The following SSX3 variants were observed in gnomAD, a reference collection of about 807,000 sequenced individuals.
The protein encoded by SSX3 is SSX family member 3.
In SSX3, 6 loss-of-function variants were observed where a neutral mutation model predicts 14.8. That is an observed-to-expected ratio of 0.41 (90% CI 0.22 to 0.80). The LOEUF is 0.80. Among genes scored for constraint, SSX3 ranks in the 30% least tolerant of loss-of-function variants. The pLI is 0.34. For missense variants in SSX3, 163 were observed against 152.2 expected (o/e 1.07, Z -0.37); for synonymous variants, 55 against 52.9 (o/e 1.04, Z -0.18).
At chrX:48,353,248 G>T (rs1430096464) in intron 4 of SSX3, among the ~76,000 whole-genome samples, 1 of 110,595 alleles carries the variant, frequency 9.0e-6, no homozygotes, top group Non-Finnish European at 1.9e-5. Context: ...GAAAAGTATG[G>T]GGAATAATAT....
At chrX:48,349,005 A>C (rs1196978041) in intron 6 of SSX3, among the ~76,000 whole-genome samples, 2 of 112,392 alleles carry the variant, frequency 1.8e-5, no homozygotes, top group Non-Finnish European at 3.8e-5. Context: ...CTGATGGAGA[A>C]GCTGCAGCAA....
chrX:48,349,886 T>C (rs1302516025), intron 6 of SSX3, 101 bp downstream of exon 6: 11 of 1,180,177 alleles, frequency 9.3e-6, no homozygotes, highest in Non-Finnish European at 1.2e-5. Flanking sequence ...CAGCCCAGCC[T>C]GGACCCAGGG....
chrX:48,353,815 C>G lies in SSX3; in HGVS notation c.280+184G>C, dbSNP rs140373936. 9.8e-3 allele frequency among the ~76,000 whole-genome samples: 1,090 copies of G among 110,885 alleles called. 11 individuals carry two copies. The highest frequency in any genetic ancestry group is 0.034 in the African/African-American group (1,051 of 30,537). ...ATTATCCATAAAAATATATATTCTT[C>G]TTTTGCATGTTTTAAAATTTTATAT... On this transcript the variant is annotated intron_variant, in intron 4 of 7. Transcript: ENST00000298396.
intron 1 of SSX3, among the ~76,000 whole-genome samples, chrX:48,355,640 C>A (rs1235136390): frequency 9.0e-6 from 1 of 110,766 alleles, no homozygotes; most frequent in Non-Finnish European, 1.9e-5. Context: ...CATGCTGACA[C>A]CCCCGCTCAA....
chrX:48,351,869 A>C (rs1198496249), intron 5 of SSX3, among the ~76,000 whole-genome samples: 1 of 112,218 alleles, frequency 8.9e-6, no homozygotes, highest in African/African-American at 3.2e-5. Context: ...TAAATAAATT[A>C]ATCCATGTGA....
intron 2 of SSX3, 177 bp from the exon 3 acceptor site, chrX:48,354,923 C>T (rs781835583): frequency 1.3e-6 from 1 of 754,018 alleles, no homozygotes; most frequent in African/African-American, 2.3e-5. Flanking sequence ...GCCACACTGT[C>T]GGGCTTTAAT....
intron 6 of SSX3, among the ~76,000 whole-genome samples, chrX:48,347,925 T>C (rs1392453141): frequency 4.4e-5 from 5 of 112,878 alleles, no homozygotes; most frequent in Non-Finnish European, 7.5e-5. Context: ...CCTTGTTTTG[T>C]TGCACTTCAT....
rs781815937 is a variant in SSX3 at position 48,355,258 on chromosome X, G to T, written c.-9C>A. 8.3e-7 allele frequency: 1 copy of T among 1,209,907 alleles called. No homozygotes were observed. Among genetic ancestry groups the T allele is most frequent in the South Asian group, 1.8e-5 (1 of 56,890 alleles). On this transcript the variant is annotated 5_prime_UTR_variant, in exon 2 of 8. Coordinates refer to ENST00000298396, the MANE Select transcript of SSX3 (RefSeq NM_021014.4). ...GTGTCATCTCCGTTCATGGCACAGG[G>T]AGTAGTCTGACCTGCAAGAGAAACA...
Position 48,355,579 on chromosome X carries a change from GA to G in SSX3, c.-20-311del, listed in dbSNP as rs11323384. On this transcript the variant is annotated intron_variant, in intron 1 of 7. Coordinates refer to ENST00000298396, the MANE Select transcript of SSX3 (RefSeq NM_021014.4). ...CTAGGCTTCCCCTGAAAGATGTATG[GA>G]CCCTTGTTGGGGAGGCAGGGACATG... 6.2e-3 allele frequency among the ~76,000 whole-genome samples: 691 copies of G among 110,868 alleles called. 7 individuals are homozygous for G. Among genetic ancestry groups the G allele is most frequent in the African/African-American group, 0.021 (649 of 30,496 alleles).
In SSX3 at chrX:48,350,428, G is replaced by A. The variant is rs1455117476; in HGVS notation, c.331-306C>T. On this transcript the variant is annotated intron_variant, in intron 5 of 7. Transcript: ENST00000298396. ...TATACAGATGATTTGGAGAAGAGTA[G>A]CATTCTAAGAATTCACAAGGTCTAC... Among the ~76,000 whole-genome samples, 4 of 111,552 alleles carry A rather than the reference G, an allele frequency of 3.6e-5. No individual in the cohort carries two copies. The East Asian group carries it at 8.4e-4, about 23-fold the overall frequency.
At chrX:48,354,774 G>A (rs782175063) in intron 2 of SSX3, 28 bp from the exon 3 acceptor site, 1 of 1,199,875 alleles carries the variant, frequency 8.3e-7, no homozygotes, top group Non-Finnish European at 1.1e-6. Flanking sequence ...AGGAATTATG[G>A]CAGGGACTCA....
At chrX:48,356,007 G>A (rs782283085) in intron 1 of SSX3, among the ~76,000 whole-genome samples, 7 of 110,748 alleles carry the variant, frequency 6.3e-5, no homozygotes, top group Admixed American at 3.9e-4. Flanking sequence ...CAAAACCCCC[G>A]TCTACAAAAT....
At chrX:48,351,157 G>A (rs2061261367) in intron 5 of SSX3, among the ~76,000 whole-genome samples, 2 of 111,984 alleles carry the variant, frequency 1.8e-5, no homozygotes, top group African/African-American at 3.2e-5. Flanking sequence ...CTCTGAGCTT[G>A]TAAACACTCT....
intron 6 of SSX3, 128 bp from the exon 7 acceptor site, chrX:48,347,732 C>T (rs2061244902): frequency 9.0e-7 from 1 of 1,108,284 alleles, no homozygotes; most frequent in Non-Finnish European, 1.2e-6. Flanking sequence ...CAGTTTTTCA[C>T]ATTCTCTGGC....
At position 48,351,504 on chromosome X, in the gene SSX3, C is replaced by G. The variant is rs782260569; in HGVS notation, c.330+596G>C. On this transcript the variant is annotated intron_variant, in intron 5 of 7. Transcript: ENST00000298396. ...GTGGGTGTCTCAATGGAAGCACCAG[C>G]AGGCCCTATGGGGTGAAGCCCTAGT... Among the ~76,000 whole-genome samples the G allele has an allele frequency of 7.0e-4, 79 of 112,539 alleles. No homozygotes were observed. In the South Asian group the frequency reaches 0.017, roughly 24 times the overall value.
chrX:48,355,555 T>C (rs1423606725), intron 1 of SSX3, among the ~76,000 whole-genome samples: 3 of 110,741 alleles, frequency 2.7e-5, no homozygotes, highest in Non-Finnish European at 3.8e-5. Context: ...TCCCTGGAGC[T>C]AGGCTTCCCC....
chrX:48,346,966 G>C lies in SSX3; in HGVS notation c.*74C>G. The C allele has an allele frequency of 3.3e-6, 4 of 1,197,248 alleles. No homozygotes were observed. The highest frequency in any genetic ancestry group is 3.4e-6 in the Non-Finnish European group (3 of 894,471). On this transcript the variant is annotated 3_prime_UTR_variant, in exon 8 of 8. Transcript: ENST00000298396. ...TGCACCTGATGACGAGGGGTCCACA[G>C]CCATGCCCATGTTCGTGAAAGGTCA...
chrX:48,349,560 C>T, intron 6 of SSX3: 4 of 1,209,939 alleles, frequency 3.3e-6, no homozygotes, highest in Non-Finnish European at 4.5e-6. Flanking sequence ...TGGTCTGGAA[C>T]CGAACCTGCA....
intron 2 of SSX3, 84 bp downstream of exon 2, chrX:48,355,097 T>G: frequency 8.3e-7 from 1 of 1,203,021 alleles, no homozygotes; most frequent in Non-Finnish European, 1.1e-6. Flanking sequence ...TTGTCTCCAG[T>G]ATCTCTGTCC....
Sources: allele counts gnomAD v4.1 joint callset (sites outside exome capture counted in the v4.1 genomes callset), GRCh38; gene constraint gnomAD v4.1.1; transcripts MANE v1.5; gene names NCBI Gene and HGNC (gene_info 2026-07-23, HGNC 2026-07-21).